CACNB2: variants seen among roughly 807,000 people sequenced by gnomAD.
CACNB2 encodes the protein voltage-dependent L-type calcium channel subunit beta-2.
CACNB2 carries 42 observed loss-of-function variants against 73.3 expected under a neutral mutation model. The observed-to-expected ratio is 0.57, with a 90% CI of 0.45 to 0.74. The LOEUF (loss-of-function observed/expected upper bound fraction) is 0.74. Among genes scored for constraint, CACNB2 ranks in the 30% least tolerant of loss-of-function variants. The pLI, the probability that CACNB2 is intolerant of heterozygous loss-of-function variation, is 0.00. For missense variants in CACNB2, 940 were observed against 853.0 expected, an observed-to-expected ratio of 1.10 and a Z score of -1.27; for synonymous variants, 348 against 310.3, an observed-to-expected ratio of 1.12 and a Z score of -1.28.
At chr10:18,532,691 AAAAAACAAAAC>A (rs2053168899) in intron 10 of CACNB2, among the ~76,000 whole-genome samples, 2 of 58,736 alleles carry the variant, frequency 3.4e-5, no homozygotes, top group African/African-American at 1.4e-4. Context: ...AAAAAAAAAA[AAAAAACAAAAC>A]AAAAAAACAA....
At chr10:18,152,733 C>CAAAAAA (rs1461809120) in intron 2 of CACNB2, among the ~76,000 whole-genome samples, 3 of 89,376 alleles carry the variant, frequency 3.4e-5, no homozygotes, top group Non-Finnish European at 4.0e-5. Context: ...AAAAAAAAAA[C>CAAAAAA]AAAAAACAAA....
At chr10:18,173,419 C>T (rs1415376943) in intron 2 of CACNB2, among the ~76,000 whole-genome samples, 4 of 152,182 alleles carry the variant, frequency 2.6e-5, no homozygotes, top group Non-Finnish European at 4.4e-5. Context: ...TCAAATGGTA[C>T]TAATAAAACA....
intron 3 of CACNB2, among the ~76,000 whole-genome samples, chr10:18,408,122 G>A (rs1485970603): frequency 6.6e-6 from 1 of 151,656 alleles, no homozygotes; most frequent in African/African-American, 2.4e-5. Flanking sequence ...GAAGTGCAAG[G>A]ACTACCTACA....
At chr10:18,381,688 C>CAAAAA (rs200757952) in intron 2 of CACNB2, among the ~76,000 whole-genome samples, 1 of 78,524 alleles carries the variant, frequency 1.3e-5, no homozygotes, top group African/African-American at 5.1e-5. Context: ...GACTCCGTCT[C>CAAAAA]AAAAAAAAAA....
chr10:18,493,258 T>G (rs2049567874), intron 3 of CACNB2, among the ~76,000 whole-genome samples: 1 of 152,160 alleles, frequency 6.6e-6, no homozygotes. Context: ...AGCCTCCGCC[T>G]CCTAGGTTCA....
chr10:18,278,259 A>G (rs1289860036), intron 2 of CACNB2, among the ~76,000 whole-genome samples: 1 of 152,190 alleles, frequency 6.6e-6, no homozygotes, highest in Non-Finnish European at 1.5e-5. Flanking sequence ...GCAGAAGGAT[A>G]GCTTGAGTCC....
intron 2 of CACNB2, among the ~76,000 whole-genome samples, chr10:18,325,961 T>TCTTGAACTCCTGGG (rs2040574049): frequency 6.6e-6 from 1 of 151,974 alleles, no homozygotes; most frequent in Admixed American, 6.6e-5. Flanking sequence ...CCCAGGCTGG[T>TCTTGAACTCCTGGG]CTTGAACTCC....
intron 2 of CACNB2, among the ~76,000 whole-genome samples, chr10:18,296,429 T>C (rs17609633): frequency 0.055 from 8,400 of 152,216 alleles, 323 homozygotes; most frequent in Non-Finnish European, 0.086. Flanking sequence ...CATGAAGATT[T>C]TTCCAGACAC....
At chr10:18,287,994 C>G (rs2038877739) in intron 2 of CACNB2, among the ~76,000 whole-genome samples, 1 of 152,216 alleles carries the variant, frequency 6.6e-6, no homozygotes, top group Non-Finnish European at 1.5e-5. Flanking sequence ...CTGTATCACT[C>G]CAATCACGTG....
intron 2 of CACNB2, among the ~76,000 whole-genome samples, chr10:18,218,857 C>T (rs2035615153): frequency 6.6e-6 from 1 of 151,498 alleles, no homozygotes; most frequent in Non-Finnish European, 1.5e-5. Flanking sequence ...CAGAATGAGA[C>T]TCCATCTCAA....
intron 9 of CACNB2, among the ~76,000 whole-genome samples, chr10:18,521,431 A>G (rs1400091054): frequency 6.6e-6 from 1 of 152,130 alleles, no homozygotes; most frequent in African/African-American, 2.4e-5. Context: ...CTTAAAGGAC[A>G]TGGGCAAGGA....
chr10:18,164,589 C>A (rs998322277), intron 2 of CACNB2, among the ~76,000 whole-genome samples: 3 of 151,788 alleles, frequency 2.0e-5, no homozygotes, highest in African/African-American at 4.8e-5. Flanking sequence ...CTGGCTCTTG[C>A]AATTAATACA....
At chr10:18,330,468 C>A (rs1294651392) in intron 2 of CACNB2, among the ~76,000 whole-genome samples, 1 of 151,872 alleles carries the variant, frequency 6.6e-6, no homozygotes. Flanking sequence ...CTGAGCATAG[C>A]AAGACTCTGT....
At chr10:18,277,635 C>A (rs1418323486) in intron 2 of CACNB2, among the ~76,000 whole-genome samples, 3 of 152,210 alleles carry the variant, frequency 2.0e-5, no homozygotes, top group Admixed American at 2.0e-4. Context: ...AAGCATATCT[C>A]ATAAATTATG....
chr10:18,461,078 C>A (rs752513917), intron 3 of CACNB2, among the ~76,000 whole-genome samples: 4 of 151,968 alleles, frequency 2.6e-5, no homozygotes, highest in African/African-American at 4.8e-5. Context: ...TACAGTCATG[C>A]GCCACCACGC....
In CACNB2 at chr10:18,166,995, G is replaced by A. The variant is rs530084394; in HGVS notation, c.213+16020G>A. On this transcript the variant is annotated intron_variant, in intron 2 of 13. Transcript: ENST00000324631. ...TCCAAGTCTTCCCGTTTCCTCTCCC[G>A]CTCATTGAGAATAAGACTGGAAATC... Among the ~76,000 whole-genome samples, 181 of 152,246 alleles carry A rather than the reference G, an allele frequency of 1.2e-3. 2 individuals are homozygous for A. The highest frequency in any genetic ancestry group is 1.5e-3 in the South Asian group (7 of 4,820).
At chr10:18,485,927 T>C (rs934160655) in intron 3 of CACNB2, among the ~76,000 whole-genome samples, 2 of 151,732 alleles carry the variant, frequency 1.3e-5, no homozygotes, top group African/African-American at 4.8e-5. Flanking sequence ...TTTTTTTTTT[T>C]TTTCATTTCT....
At chr10:18,446,918 G>A (rs1264530467) in intron 3 of CACNB2, among the ~76,000 whole-genome samples, 1 of 152,118 alleles carries the variant, frequency 6.6e-6, no homozygotes, top group South Asian at 2.1e-4. Context: ...AAAAAATTAG[G>A]TGTGATGGTG....
chr10:18,400,925 G>A (rs953471949), intron 2 of CACNB2: 23 of 1,579,464 alleles, frequency 1.5e-5, no homozygotes, highest in Non-Finnish European at 2.0e-5. Context: ...ACAGGGGCTT[G>A]CCCAGAGCAT....
Sources: allele counts gnomAD v4.1 joint callset (sites outside exome capture counted in the v4.1 genomes callset), GRCh38; gene constraint gnomAD v4.1.1; transcripts MANE v1.5; gene names NCBI Gene and HGNC (gene_info 2026-07-23, HGNC 2026-07-21).